Variants in SLC26A3 observed in about 807,000 individuals in gnomAD.
SLC26A3 encodes the protein solute carrier family 26 member 3.
SLC26A3 carries 64 observed loss-of-function variants against 85.6 expected under a neutral mutation model. That is an observed-to-expected ratio of 0.75 (90% confidence interval 0.61 to 0.92). SLC26A3 has a LOEUF of 0.92. Ranked by LOEUF, SLC26A3 falls within the 40% of genes least tolerant of loss-of-function variation. SLC26A3 has a pLI of 0.00. For synonymous variants in SLC26A3, 349 were observed against 336.0 expected, an observed-to-expected ratio of 1.04 and a Z score of -0.42; for missense variants, 922 against 927.3, an observed-to-expected ratio of 0.99 and a Z score of 0.07.
At chr7:107,775,449 G>A (rs1307899554) in intron 15 of SLC26A3, among the ~76,000 whole-genome samples, 2 of 152,010 alleles carry the variant, frequency 1.3e-5, no homozygotes, top group African/African-American at 4.8e-5. Flanking sequence ...CCTTGGCCAG[G>A]CGTGGTGGCT....
intron 15 of SLC26A3, 97 bp from the exon 16 acceptor site, chr7:107,774,969 G>A: frequency 2.2e-6 from 2 of 922,768 alleles, no homozygotes; most frequent in Non-Finnish European, 3.6e-6. Context: ...TGAGGGATTG[G>A]GACAGATAAT....
At chr7:107,796,398 G>A (rs967023337) in intron 1 of SLC26A3, among the ~76,000 whole-genome samples, 1 of 152,034 alleles carries the variant, frequency 6.6e-6, no homozygotes, top group Non-Finnish European at 1.5e-5. Flanking sequence ...CCAGGGCCTC[G>A]GTTATGACAT....
At chr7:107,777,992 G>A (rs972320554) in intron 13 of SLC26A3, among the ~76,000 whole-genome samples, 183 bp downstream of exon 13, 9 of 152,232 alleles carry the variant, frequency 5.9e-5, no homozygotes, top group Non-Finnish European at 1.3e-4. Flanking sequence ...TTCTAAAGCT[G>A]GGCCGTGCTA....
intron 6 of SLC26A3, among the ~76,000 whole-genome samples, chr7:107,788,901 G>C (rs1794345539): frequency 6.7e-6 from 1 of 148,240 alleles, no homozygotes; most frequent in Non-Finnish European, 1.5e-5. Context: ...CTCTGCCTCA[G>C]CCTTCCAAAA....
chr7:107,778,842 A>T (rs1044241010), intron 12 of SLC26A3, among the ~76,000 whole-genome samples: 2 of 152,062 alleles, frequency 1.3e-5, no homozygotes, highest in Non-Finnish European at 2.9e-5. Flanking sequence ...ATAAAAAAAA[A>T]TAGCTGAGGA....
chr7:107,799,697 T>C (rs1411734095), intron 1 of SLC26A3, among the ~76,000 whole-genome samples: 1 of 152,184 alleles, frequency 6.6e-6, no homozygotes, highest in Non-Finnish European at 1.5e-5. Context: ...AAGGCTTCAA[T>C]TTCCTTAAAG....
At chr7:107,794,658 A>G in intron 1 of SLC26A3, 61 bp from the exon 2 acceptor site, 1 of 815,514 alleles carries the variant, frequency 1.2e-6, no homozygotes. Context: ...CAATTTACAG[A>G]TGAGTGAGCT....
chr7:107,786,644 C>A (rs1794300597), intron 8 of SLC26A3, among the ~76,000 whole-genome samples, 183 bp downstream of exon 8: 1 of 151,534 alleles, frequency 6.6e-6, no homozygotes, highest in African/African-American at 2.4e-5. Context: ...GCACACCCTG[C>A]CTTTCTTTGT....
intron 1 of SLC26A3, among the ~76,000 whole-genome samples, chr7:107,801,390 T>G (rs1794597034): frequency 2.0e-5 from 3 of 152,098 alleles, no homozygotes; most frequent in African/African-American, 7.2e-5. Flanking sequence ...ACTCCTACAC[T>G]CAATATCCAC....
rs552242284 is a variant in SLC26A3, at chr7:107,791,257, G to A, written c.383-22C>T. On this transcript the variant is annotated intron_variant, in intron 4 of 20. Coordinates refer to ENST00000340010, the MANE Select transcript of SLC26A3 (RefSeq NM_000111.3). The stretch of plus-strand genomic sequence containing the variant: ...GGACCTAATTAACAGTGGGTGAATC[G>A]TGGTCAGTATATGCCTCTCTAAAGC... The A allele has an allele frequency of 7.0e-5, 112 of 1,610,758 alleles. No individual in the cohort carries two copies. In the Middle Eastern group the frequency reaches 1.2e-3, roughly 17 times the overall value.
At chr7:107,773,457 A>G (rs1263603018) in intron 17 of SLC26A3, among the ~76,000 whole-genome samples, 1 of 152,222 alleles carries the variant, frequency 6.6e-6, no homozygotes, top group African/African-American at 2.4e-5. Flanking sequence ...TCAAGAGTCC[A>G]CTGAACACCA....
intron 1 of SLC26A3, among the ~76,000 whole-genome samples, chr7:107,795,019 G>GT (rs1053274784): frequency 8.6e-5 from 13 of 151,766 alleles, no homozygotes; most frequent in African/African-American, 3.1e-4. Context: ...TTTAAAATTT[G>GT]TTTTTTTTAC....
chr7:107,774,765 C>T lies in SLC26A3; in HGVS notation c.1773+12G>A, dbSNP rs763944232. ...TAGCTATAATGCATAGAAATGTGGTCAAGGAACTTACTGGTGTCACTTGTA... is the reference window on the plus strand; with the variant it reads ...TAGCTATAATGCATAGAAATGTGGTTAAGGAACTTACTGGTGTCACTTGTA... On this transcript the variant is annotated intron_variant, in intron 16 of 20. Coordinates refer to ENST00000340010, the MANE Select transcript of SLC26A3 (RefSeq NM_000111.3). The T allele has an allele frequency of 6.2e-7, 1 of 1,601,306 alleles. No homozygotes were observed. Among genetic ancestry groups the T allele is most frequent in the South Asian group, 1.1e-5 (1 of 90,722 alleles).
chr7:107,795,403 T>C (rs1164988848), intron 1 of SLC26A3, among the ~76,000 whole-genome samples: 4 of 152,238 alleles, frequency 2.6e-5, no homozygotes, highest in Admixed American at 2.6e-4. Flanking sequence ...TTAATTCTTA[T>C]CTCAATCCTG....
chr7:107,794,379 C>T lies in SLC26A3; in HGVS notation c.131G>A (p.Ser44Asn). The T allele has an allele frequency of 6.2e-7, 1 of 1,613,924 alleles. No homozygotes were observed. Among genetic ancestry groups the T allele is most frequent in the South Asian group, 1.1e-5 (1 of 91,070 alleles). ...TFLDHLKVCC[S>N]CSPQKAKRIV... is the part of the protein sequence containing the mutation. Reference sequence around the variant, plus strand: ...GCCAATACCTTAAAAAATATCTTACCTACAACACACTTTGAGATGATCCAG... The same window carrying T: ...GCCAATACCTTAAAAAATATCTTACTTACAACACACTTTGAGATGATCCAG... Residue 44 changes from serine to asparagine, a missense_variant and splice_region_variant, in exon 2 of 21, where the codon AGC (serine) becomes AAC (asparagine). By Grantham distance (46) the Ser-to-Asn change is conservative (BLOSUM62 1). Transcript: ENST00000340010.
chr7:107,791,910 G>T lies in SLC26A3; in HGVS notation c.302C>A (p.Pro101His). 6.2e-7 allele frequency: 1 copy of T among 1,613,556 alleles called. No individual in the cohort carries two copies. The highest frequency in any genetic ancestry group is 8.5e-7 in the Non-Finnish European group (1 of 1,179,524). ...GGATGCATACAACCCATAGACTGGGGGAATGTCGACCAGCAGAGCAAATGC... is the reference window on the plus strand; with the variant it reads ...GGATGCATACAACCCATAGACTGGGTGAATGTCGACCAGCAGAGCAAATGC... Reference protein sequence around the residue: ...GLAFALLVDIPPVYGLYASFF... With the variant: ...GLAFALLVDIHPVYGLYASFF... The change falls in exon 4 of 21, where the codon CCC becomes CAC. Residue 101 changes from proline to histidine, a missense_variant. By Grantham distance (77) the Pro-to-His change is moderately conservative. Transcript: ENST00000340010.
Position 107,789,618 on chromosome 7 carries a change from G to C in SLC26A3, c.641C>G (p.Thr214Ser). ...YLSESLISGF[T>S]TAAAVHVLVS... The stretch of plus-strand genomic sequence containing the variant: ...CAAAACATGAACAGCAGCAGCAGTA[G>C]TGAAGCCACTGATGAGGGACTCAGA... The change falls in exon 6 of 21, where the codon ACT becomes AGT. Residue 214 changes from threonine (T) to serine (S), a missense_variant. Physicochemically the swap from Thr to Ser is moderately conservative, Grantham distance 58. Transcript: ENST00000340010. 1 of 1,614,050 alleles carries C rather than the reference G, an allele frequency of 6.2e-7. No homozygotes were observed. The highest frequency in any genetic ancestry group is 8.5e-7 in the Non-Finnish European group (1 of 1,179,956).
rs777775854 is a variant in SLC26A3 at position 107,765,816 on chromosome 7, G to A, written c.*39C>T. On this transcript the variant is annotated 3_prime_UTR_variant, in exon 21 of 21. Coordinates refer to ENST00000340010, the MANE Select transcript of SLC26A3 (RefSeq NM_000111.3). The stretch of plus-strand genomic sequence containing the variant: ...TTTCTGGGTATAAAGTTGTTTTTAT[G>A]TCATAGTCAGATGAAGATCCTTCTG... 4 of 1,523,822 alleles carry A rather than the reference G, an allele frequency of 2.6e-6. No homozygotes were observed. In the African/African-American group the frequency reaches 4.1e-5, roughly 16 times the overall value. 94.4% of individuals were successfully genotyped at this position (1,523,822 alleles called of 1,614,324 possible). A position where few individuals can be genotyped will look rare whatever the true frequency, so the allele number is the denominator to read the frequency against.
At chr7:107,795,433 A>T (rs1440199384) in intron 1 of SLC26A3, among the ~76,000 whole-genome samples, 3 of 152,224 alleles carry the variant, frequency 2.0e-5, no homozygotes, top group Non-Finnish European at 4.4e-5. Context: ...TGCTTAAAAG[A>T]TCAATTTGAC....
Sources: gnomAD v4.1 joint callset for allele counts (sites outside exome capture counted in the v4.1 genomes callset) on GRCh38, gnomAD v4.1.1 for gene constraint, MANE v1.5 for transcripts, NCBI Gene and HGNC (gene_info 2026-07-23, HGNC 2026-07-21) for gene names.